Variants in HMOX2 observed in about 807,000 individuals in gnomAD.
HMOX2 encodes heme oxygenase (decycling) 2.
In HMOX2, 30 loss-of-function variants were observed where a neutral mutation model predicts 33.7. The observed-to-expected ratio is 0.89, with a 90% CI of 0.67 to 1.21. The LOEUF is 1.21. HMOX2 is among the 50% of genes most tolerant of loss of function. The pLI, the probability that HMOX2 is intolerant of heterozygous loss-of-function variation, is 0.00. For missense variants in HMOX2, 403 were observed against 399.1 expected (o/e 1.01, Z -0.08); for synonymous variants, 155 against 155.0 (o/e 1.00, Z 0.00).
At position 4,507,675 on chromosome 16, in the gene HMOX2, G is replaced by A. The variant is rs147157616; in HGVS notation, c.205-38G>A. 1,104 of 1,597,256 alleles carry A rather than the reference G, an allele frequency of 6.9e-4. 8 individuals are homozygous for A. The African/African-American group carries it at 0.013, about 19-fold the overall frequency. On this transcript the variant is annotated intron_variant, in intron 3 of 5. Coordinates refer to ENST00000570646, the MANE Select transcript of HMOX2 (RefSeq NM_002134.4). ...GCATCCAGCTGCTCGGATGTGGTGT[G>A]CTCAGGCATAGCTGGCCTCCTCCTG...
chr16:4,509,839 C>G lies in HMOX2; in HGVS notation c.*83C>G, dbSNP rs781377813. ...TCTCCAGCCCTGACTAAACTACCAC[C>G]TCAGGTGACTTTTTAAAAAATGCTG... is the stretch of plus-strand genomic sequence containing the variant. On this transcript the variant is annotated 3_prime_UTR_variant, in exon 6 of 6. Coordinates refer to ENST00000570646, the MANE Select transcript of HMOX2 (RefSeq NM_002134.4). 2.6e-5 allele frequency: 38 copies of G among 1,452,484 alleles called. No homozygotes were observed. The highest frequency in any genetic ancestry group is 3.3e-5 in the Non-Finnish European group (36 of 1,078,718). 90.0% of individuals were successfully genotyped at this position (1,452,484 alleles called of 1,614,324 possible).
At chr16:4,484,561 A>G (rs1433208948) in intron 1 of HMOX2, among the ~76,000 whole-genome samples, 1 of 149,814 alleles carries the variant, frequency 6.7e-6, no homozygotes, top group Admixed American at 6.6e-5. Context: ...CCCGGGTTCA[A>G]ATGATTCTCC....
At chr16:4,486,620 T>C (rs8051695) in intron 1 of HMOX2, among the ~76,000 whole-genome samples, 102,465 of 152,050 alleles carry the variant, frequency 0.67, 35,014 homozygotes, top group Non-Finnish European at 0.73. Flanking sequence ...AGCTCTGGCC[T>C]AGCTGCCAGA....
chr16:4,490,967 T>C lies in HMOX2; in HGVS notation c.-42+14480T>C, dbSNP rs537061164. Among the ~76,000 whole-genome samples, 23 of 152,152 alleles carry C rather than the reference T, an allele frequency of 1.5e-4. 1 individual carries two copies. The highest frequency in any genetic ancestry group is 2.9e-4 in the Non-Finnish European group (20 of 68,028). On this transcript the variant is annotated intron_variant, in intron 1 of 5. Coordinates refer to ENST00000570646, the MANE Select transcript of HMOX2 (RefSeq NM_002134.4). ...AAGCACATTTGTGCGCTATAGGACA[T>C]TGAGTAGTATCCCTGACCTCTACCC...
chr16:4,505,420 C>T (rs1445349487), intron 1 of HMOX2, 64 bp from the exon 2 acceptor site: 3 of 730,306 alleles, frequency 4.1e-6, no homozygotes, highest in Admixed American at 2.7e-5. Context: ...AAAGCAGAAC[C>T]GACAGGTATT....
intron 1 of HMOX2, among the ~76,000 whole-genome samples, chr16:4,485,884 C>T (rs779652044): frequency 8.6e-5 from 13 of 151,944 alleles, no homozygotes; most frequent in South Asian, 4.1e-4. Context: ...CCACCACGCC[C>T]GGCTAATTTT....
chr16:4,499,079 A>C (rs1009128735), intron 1 of HMOX2, among the ~76,000 whole-genome samples: 1 of 152,210 alleles, frequency 6.6e-6, no homozygotes, highest in African/African-American at 2.4e-5. Flanking sequence ...TCTGAGTCAG[A>C]AGTCCTCAGG....
At position 4,480,533 on chromosome 16, in the gene HMOX2, C is replaced by T. The variant is rs559418966; in HGVS notation, c.-42+4046C>T. Among the ~76,000 whole-genome samples the T allele has an allele frequency of 8.6e-5, 13 of 150,316 alleles. No homozygotes were observed. In the East Asian group the frequency reaches 2.2e-3, roughly 25 times the overall value. ...TTAATTTTTGTATTTTTAGTAGAGA[C>T]GGGGTTTCACCATGCTGGCCAGGCT... On this transcript the variant is annotated intron_variant, in intron 1 of 5. Transcript: ENST00000570646.
chr16:4,487,067 G>A (rs2058186582), intron 1 of HMOX2, among the ~76,000 whole-genome samples: 1 of 152,048 alleles, frequency 6.6e-6, no homozygotes. Context: ...GACCAACCTG[G>A]GCAACATAGT....
chr16:4,481,560 T>G (rs1385602210), intron 1 of HMOX2, among the ~76,000 whole-genome samples: 1 of 152,152 alleles, frequency 6.6e-6, no homozygotes, highest in Non-Finnish European at 1.5e-5. Flanking sequence ...GTCGGGTACA[T>G]AAAGCTCTAT....
intron 1 of HMOX2, among the ~76,000 whole-genome samples, chr16:4,499,819 G>A (rs896355461): frequency 2.0e-5 from 3 of 152,178 alleles, no homozygotes; most frequent in Admixed American, 1.3e-4. Flanking sequence ...TAGGAGTCAA[G>A]TCAGATCTGA....
chr16:4,481,301 A>G (rs541607151), intron 1 of HMOX2, among the ~76,000 whole-genome samples: 2 of 149,324 alleles, frequency 1.3e-5, no homozygotes, highest in East Asian at 4.0e-4. Context: ...GTAAGCAGAG[A>G]TCGCGCCACT....
Position 4,507,755 on chromosome 16 carries a change from GA to G in HMOX2, c.248del (p.Glu83GlyfsTer27). 3 of 1,614,200 alleles carry G rather than the reference GA, an allele frequency of 1.9e-6. No individual in the cohort carries two copies. Among genetic ancestry groups the G allele is most frequent in the Non-Finnish European group, 2.5e-6 (3 of 1,180,044 alleles). On this transcript the variant is annotated frameshift_variant, in exon 4 of 6. Coordinates refer to ENST00000570646, the MANE Select transcript of HMOX2 (RefSeq NM_002134.4). LOFTEE classifies it high-confidence loss of function. The part of the protein sequence containing the change: ...ALYFTYSALE[E>X]EMERNKDHPA... Reference sequence around the variant, plus strand: ...TTACTTCACATACTCAGCCCTCGAGGAGGAAATGGAGCGCAACAAGGACCAT... The same window carrying G: ...TTACTTCACATACTCAGCCCTCGAGGGGAAATGGAGCGCAACAAGGACCAT...
At chr16:4,477,551 C>CCTGT (rs1355098015) in intron 1 of HMOX2, among the ~76,000 whole-genome samples, 7 of 149,944 alleles carry the variant, frequency 4.7e-5, no homozygotes, top group Non-Finnish European at 1.0e-4. Flanking sequence ...GTTGTCGTGG[C>CCTGT]CTGTGGCTGT....
rs761801798 is a variant in HMOX2, at chr16:4,508,090, T to C, written c.582T>C (p.Asn194=). The C allele has an allele frequency of 6.2e-6, 10 of 1,613,894 alleles. No individual in the cohort carries two copies. In the East Asian group the frequency reaches 6.7e-5, roughly 11 times the overall value. Residue 194 remains asparagine, a synonymous_variant, in exon 4 of 6, where the codon AAT becomes AAC. Coordinates refer to ENST00000570646, the MANE Select transcript of HMOX2 (RefSeq NM_002134.4). ...TQFYLFENVD[N]AQQFKQLYRA... ...TCTACCTGTTTGAGAATGTGGACAATGCCCAGCAGTTCAAGCAGCTCTACC... is the reference window on the plus strand; with the variant it reads ...TCTACCTGTTTGAGAATGTGGACAACGCCCAGCAGTTCAAGCAGCTCTACC...
intron 1 of HMOX2, among the ~76,000 whole-genome samples, chr16:4,485,576 A>T (rs2058147008): frequency 6.6e-6 from 1 of 152,166 alleles, no homozygotes; most frequent in South Asian, 2.1e-4. Flanking sequence ...CAGAGGAGGA[A>T]GGGAAGAGAA....
chr16:4,483,217 GTGTGTGTT>G (rs1456658611), intron 1 of HMOX2, among the ~76,000 whole-genome samples: 8 of 76,184 alleles, frequency 1.1e-4, no homozygotes, highest in Admixed American at 4.3e-4. Flanking sequence ...GTGTGTGTGT[GTGTGTGTT>G]TATGGAGGCT....
intron 1 of HMOX2, among the ~76,000 whole-genome samples, chr16:4,480,303 C>T: frequency 6.6e-6 from 1 of 151,330 alleles, no homozygotes; most frequent in East Asian, 1.9e-4. Context: ...CCTCCTTGGC[C>T]TCCCAAAGTG....
At chr16:4,484,813 C>T (rs1035046955) in intron 1 of HMOX2, among the ~76,000 whole-genome samples, 1 of 152,126 alleles carries the variant, frequency 6.6e-6, no homozygotes, top group African/African-American at 2.4e-5. Context: ...CTATGCATAT[C>T]TTCTGTATTC....
Sources: allele counts gnomAD v4.1 joint callset (sites outside exome capture counted in the v4.1 genomes callset), GRCh38; gene constraint gnomAD v4.1.1; transcripts MANE v1.5; gene names NCBI Gene and HGNC (gene_info 2026-07-23, HGNC 2026-07-21).